Variants in TRAF3 observed in about 807,000 individuals in gnomAD.
TRAF3 encodes TNF receptor associated factor 3, also known as TNF receptor-associated factor 3.
Under a neutral mutation model 62.3 loss-of-function variants are expected in TRAF3, and 13 were observed. The observed-to-expected ratio is 0.21, with a 90% CI of 0.14 to 0.33. The LOEUF is 0.33. Ranked by LOEUF, TRAF3 falls within the 10% of genes least tolerant of loss-of-function variation. The pLI, the probability that TRAF3 is intolerant of heterozygous loss-of-function variation, is 1.00. For synonymous variants in TRAF3, 269 were observed against 283.4 expected (o/e 0.95, Z 0.51); for missense variants, 440 against 741.8 (o/e 0.59, Z 4.73).
chr14:102,791,745 T>TA (rs1051107552), intron 1 of TRAF3, among the ~76,000 whole-genome samples: 3 of 152,234 alleles, frequency 2.0e-5, no homozygotes, highest in African/African-American at 7.2e-5. Context: ...AGCATCCTCA[T>TA]ATTGTTCCTG....
intron 10 of TRAF3, among the ~76,000 whole-genome samples, chr14:102,901,948 T>G (rs1196465119): frequency 6.6e-6 from 1 of 152,180 alleles, no homozygotes; most frequent in Non-Finnish European, 1.5e-5. Flanking sequence ...CACTGAACTC[T>G]CCAGCCATCA....
Position 102,891,385 on chromosome 14 carries a change from C to A in TRAF3, c.787C>A (p.Leu263Met), listed in dbSNP as rs1362356768. Residue 263 changes from leucine (L) to methionine (M), a missense_variant, in exon 9 of 12, where the codon CTG (leucine) becomes ATG (methionine). Leu to Met is a conservative substitution (Grantham distance 15). This residue lies in a region of TRAF3 where 255 missense variants were observed against 424.1 expected (regional missense o/e 0.60). Coordinates refer to ENST00000392745, the MANE Select transcript of TRAF3 (RefSeq NM_145725.3). ...ASSAVQHVNL[L>M]KEWSNSLEKK... The stretch of plus-strand genomic sequence containing the variant: ...CTCCGCCGTGCAGCACGTCAACCTG[C>A]TGAAGGAGTGGAGCAACTCGCTCGA... The A allele has an allele frequency of 6.2e-7, 1 of 1,613,408 alleles. No individual in the cohort carries two copies. Among genetic ancestry groups the A allele is most frequent in the Admixed American group, 1.7e-5 (1 of 59,994 alleles).
intron 1 of TRAF3, among the ~76,000 whole-genome samples, chr14:102,791,732 G>A (rs1595285970): frequency 1.3e-5 from 2 of 152,118 alleles, no homozygotes; most frequent in African/African-American, 4.8e-5. Context: ...AGTGATGAAA[G>A]TGAGCATCCT....
At chr14:102,891,886 A>AC in intron 9 of TRAF3, among the ~76,000 whole-genome samples, 1 of 152,038 alleles carries the variant, frequency 6.6e-6, no homozygotes. Flanking sequence ...CTGGGTGGTT[A>AC]CCCCTCTAAA....
At chr14:102,862,351 A>C (rs1414030180) in intron 2 of TRAF3, among the ~76,000 whole-genome samples, 1 of 149,492 alleles carries the variant, frequency 6.7e-6, no homozygotes, top group Non-Finnish European at 1.5e-5. Context: ...GTGAGCTATG[A>C]TTGCACCACA....
chr14:102,869,952 T>C (rs1888236410), intron 2 of TRAF3, among the ~76,000 whole-genome samples: 1 of 152,120 alleles, frequency 6.6e-6, no homozygotes, highest in African/African-American at 2.4e-5. Context: ...GTATACTTTT[T>C]AGGAAGTTTT....
rs1270060450 is a variant in TRAF3 at position 102,897,261 on chromosome 14, G to A, written c.820G>A (p.Val274Ile). ...ATTAATTAAAGAATTTCTTTTTTAG[G>A]TTTCCTTGTTGCAGAATGAAAGTGT... The part of the protein sequence containing the change: ...KEWSNSLEKK[V>I]SLLQNESVEK... The change falls in exon 10 of 12, where the codon GTT (valine) becomes ATT (isoleucine). Residue 274 changes from valine to isoleucine, a missense_variant and splice_region_variant. Val to Ile is a conservative substitution (Grantham distance 29, BLOSUM62 3). Transcript: ENST00000392745. 6.2e-7 allele frequency: 1 copy of A among 1,611,362 alleles called. No homozygotes were observed. The highest frequency in any genetic ancestry group is 8.5e-7 in the Non-Finnish European group (1 of 1,178,852).
In TRAF3 at chr14:102,876,540, A is replaced by G. The variant is rs1003207730; in HGVS notation, c.570+15A>G. 3.7e-6 allele frequency: 6 copies of G among 1,612,036 alleles called. No homozygotes were observed. Among genetic ancestry groups the G allele is most frequent in the Non-Finnish European group, 5.1e-6 (6 of 1,179,456 alleles). On this transcript the variant is annotated intron_variant, in intron 6 of 11. Coordinates refer to ENST00000392745, the MANE Select transcript of TRAF3 (RefSeq NM_145725.3). Reference sequence around the variant, plus strand: ...TCGCGCTGCAGGTGCGGGTCCTCCCATTCCACAGGCCTTCCACTCAATTCC... The same window carrying G: ...TCGCGCTGCAGGTGCGGGTCCTCCCGTTCCACAGGCCTTCCACTCAATTCC...
At chr14:102,872,015 G>A (rs932996822) in intron 4 of TRAF3, 47 bp downstream of exon 4, 1 of 1,591,524 alleles carries the variant, frequency 6.3e-7, no homozygotes, top group Non-Finnish European at 8.6e-7. Context: ...TTTTCAGCTG[G>A]GTAATACTTT....
At position 102,879,366 on chromosome 14, in the gene TRAF3, A is replaced by G. The variant is rs190229083; in HGVS notation, c.570+2841A>G. ...CAGCTCACTGCAGCCTCTTTCTCCC[A>G]GGTTCAAGTGATCCTCCCACCTCAG... On this transcript the variant is annotated intron_variant, in intron 6 of 11. Transcript: ENST00000392745. 5.7e-3 allele frequency among the ~76,000 whole-genome samples: 871 copies of G among 152,196 alleles called. 9 individuals are homozygous for G. Among genetic ancestry groups the G allele is most frequent in the Admixed American group, 9.9e-3 (151 of 15,292 alleles).
chr14:102,779,980 G>C (rs1897206796), intron 1 of TRAF3, among the ~76,000 whole-genome samples: 2 of 152,218 alleles, frequency 1.3e-5, no homozygotes, highest in African/African-American at 2.4e-5. Flanking sequence ...ACCCCTTGCT[G>C]CTGCTTTGCG....
rs919491649 is a variant in TRAF3 at position 102,860,974 on chromosome 14, A to G, written c.-17-9211A>G. Reference sequence around the variant, plus strand: ...TTTCTCAACATGTGGTCTTTGGGCAAGATGGTGGCCCTGAATAACAGAAAA... The same window carrying G: ...TTTCTCAACATGTGGTCTTTGGGCAGGATGGTGGCCCTGAATAACAGAAAA... On this transcript the variant is annotated intron_variant, in intron 2 of 11. Transcript: ENST00000392745. Among the ~76,000 whole-genome samples, 9 of 152,258 alleles carry G rather than the reference A, an allele frequency of 5.9e-5. No individual in the cohort carries two copies. The East Asian group carries it at 1.7e-3, about 29-fold the overall frequency.
chr14:102,898,583 G>C (rs1890119303), intron 10 of TRAF3, among the ~76,000 whole-genome samples: 1 of 152,246 alleles, frequency 6.6e-6, no homozygotes, highest in African/African-American at 2.4e-5. Context: ...CTGGGGCTCA[G>C]AGAGGCACTG....
At chr14:102,890,256 G>A (rs1256725547) in intron 8 of TRAF3, among the ~76,000 whole-genome samples, 1 of 152,232 alleles carries the variant, frequency 6.6e-6, no homozygotes, top group African/African-American at 2.4e-5. Flanking sequence ...GAGATTGCTA[G>A]TGAATTGGAA....
At position 102,883,397 on chromosome 14, in the gene TRAF3, A is replaced by G. The variant is rs143038868; in HGVS notation, c.571-2792A>G. Among the ~76,000 whole-genome samples the G allele has an allele frequency of 3.7e-4, 56 of 152,278 alleles. No individual in the cohort carries two copies. The East Asian group carries it at 0.011, about 29-fold the overall frequency. ...TGAAACAGTGTTTCATTTGGCACAC[A>G]TATGTATAGTGAAACCTTTTTAGAG... On this transcript the variant is annotated intron_variant, in intron 6 of 11. Coordinates refer to ENST00000392745, the MANE Select transcript of TRAF3 (RefSeq NM_145725.3).
rs1051654784 is a variant in TRAF3, at chr14:102,831,612, T to TGCTGCCC, written c.-18+1148_-18+1154dup. Among the ~76,000 whole-genome samples, 4 of 152,184 alleles carry TGCTGCCC rather than the reference T, an allele frequency of 2.6e-5. No individual in the cohort carries two copies. In the East Asian group the frequency reaches 5.8e-4, roughly 22 times the overall value. ...GCCTTGCTCTCTGCCCAGTGCTGCC[T>TGCTGCCC]GCTGCCCGCTGCCCTTATGTGGAGT... On this transcript the variant is annotated intron_variant, in intron 2 of 11. Transcript: ENST00000392745.
chr14:102,880,473 G>T (rs1277983663), intron 6 of TRAF3, among the ~76,000 whole-genome samples: 1 of 152,192 alleles, frequency 6.6e-6, no homozygotes, highest in African/African-American at 2.4e-5. Flanking sequence ...TGCTGGCAAG[G>T]TTGCAGAGAA....
intron 10 of TRAF3, among the ~76,000 whole-genome samples, chr14:102,901,065 C>G (rs1219334170): frequency 6.6e-6 from 1 of 152,154 alleles, no homozygotes; most frequent in African/African-American, 2.4e-5. Context: ...AAAAATAGCC[C>G]GAGTTCCCTT....
At chr14:102,816,751 C>T (rs1899551241) in intron 1 of TRAF3, among the ~76,000 whole-genome samples, 1 of 152,164 alleles carries the variant, frequency 6.6e-6, no homozygotes, top group Non-Finnish European at 1.5e-5. Flanking sequence ...TGTTTCCAGT[C>T]TTCTCTGTTT....
Sources: allele counts gnomAD v4.1 joint callset (sites outside exome capture counted in the v4.1 genomes callset), GRCh38; gene constraint gnomAD v4.1.1; regional missense constraint gnomAD v4.1.1; transcripts MANE v1.5; gene names NCBI Gene and HGNC (gene_info 2026-07-23, HGNC 2026-07-21).